The following MS4A7 variants were observed in gnomAD, a reference collection of about 807,000 sequenced individuals.
The protein encoded by MS4A7 is membrane spanning 4-domains A7.
Under a neutral mutation model 23.5 loss-of-function variants are expected in MS4A7, and 21 were observed. The observed-to-expected ratio is 0.89, with a 90% confidence interval of 0.63 to 1.29. MS4A7 has a LOEUF of 1.29. MS4A7 is among the 50% of genes most tolerant of loss of function. The probability of loss-of-function intolerance (pLI) is 0.00; values close to 1 mark genes in which losing one functional copy is unlikely to be tolerated. For missense variants in MS4A7, 263 were observed against 274.2 expected (o/e 0.96, Z 0.29); for synonymous variants, 111 against 107.4 (o/e 1.03, Z -0.21).
chr11:60,392,789 G>T lies in MS4A7; in HGVS notation c.648+3G>T, dbSNP rs200794871. On this transcript the variant is annotated splice_donor_region_variant and intron_variant, in intron 6 of 6. Coordinates refer to ENST00000300184, the MANE Select transcript of MS4A7 (RefSeq NM_021201.5). ...AGCTCTACTCCAACAACCCTGGGGT[G>T]AGTATGCTGACATGTCGCCTGATAC... 6.2e-7 allele frequency: 1 copy of T among 1,603,540 alleles called. No individual in the cohort carries two copies.
In MS4A7 at chr11:60,385,090, T is replaced by A. The variant is rs950803; in HGVS notation, c.150T>A (p.Thr50=). 0.63 allele frequency: 1,015,931 copies of A among 1,612,352 alleles called. 322,293 individuals are homozygous for A. Among genetic ancestry groups the A allele is most frequent in the Middle Eastern group, 0.74 (4,503 of 6,058 alleles). ...GLPTETTVLG[T]VQILCCLLIS... ...ATTTCCTGTCTTCTCTCTTGTAGAC[T>A]GTCCAGATCCTGTGTTGCCTGTTGA... The change falls in exon 3 of 7, where the codon ACT becomes ACA. Residue 50 remains threonine (T), a splice_region_variant and synonymous_variant. Coordinates refer to ENST00000300184, the MANE Select transcript of MS4A7 (RefSeq NM_021201.5).
intron 3 of MS4A7, 48 bp downstream of exon 3, chr11:60,385,270 A>G (rs1432759485): frequency 1.9e-6 from 3 of 1,610,070 alleles, no homozygotes; most frequent in Non-Finnish European, 2.5e-6. Context: ...ATAAATGCTA[A>G]CCAGGTGCAT....
In MS4A7 at chr11:60,385,182, C is replaced by A. The variant is rs2085472286; in HGVS notation, c.242C>A (p.Thr81Asn). The A allele has an allele frequency of 6.8e-6, 11 of 1,614,122 alleles. No individual in the cohort carries two copies. The highest frequency in any genetic ancestry group is 9.3e-6 in the Non-Finnish European group (11 of 1,179,996). ...TCCCACTTCAATCCAGCAATTTCCA[C>A]CACTTTGATGTCTGGGTACCCATTT... ...YPSHFNPAIS[T>N]TLMSGYPFLG... The change falls in exon 3 of 7, where the codon ACC (threonine) becomes AAC (asparagine). Residue 81 changes from threonine (T) to asparagine (N), a missense_variant. Coordinates refer to ENST00000300184, the MANE Select transcript of MS4A7 (RefSeq NM_021201.5).
chr11:60,384,868 C>T (rs1193796279), intron 2 of MS4A7, among the ~76,000 whole-genome samples: 1 of 152,176 alleles, frequency 6.6e-6, no homozygotes, highest in African/African-American at 2.4e-5. Flanking sequence ...TGTATGATCA[C>T]TTTCCGATTT....
rs573308958 is a variant in MS4A7, at chr11:60,379,533, T to C, written c.-14+869T>C. Among the ~76,000 whole-genome samples the C allele has an allele frequency of 5.7e-4, 78 of 136,526 alleles. 1 individual carries two copies. The Middle Eastern group carries it at 0.032, about 55-fold the overall frequency. 89.6% of individuals were successfully genotyped at this position (136,526 alleles called of 152,430 possible). On this transcript the variant is annotated intron_variant, in intron 1 of 6. Transcript: ENST00000300184. ...ATGTGTTTTTTTGTTGTTTTTTGTT[T>C]GTTTGTTTGTTTGTTTTTTAATTGA... is the stretch of plus-strand genomic sequence containing the variant.
intron 1 of MS4A7, among the ~76,000 whole-genome samples, chr11:60,379,095 C>T (rs1479666100): frequency 1.3e-5 from 2 of 152,338 alleles, no homozygotes; most frequent in African/African-American, 2.4e-5. Context: ...TGGGTCCCTC[C>T]AGTCTATCTC....
chr11:60,386,535 A>G, intron 3 of MS4A7, 182 bp from the exon 4 acceptor site: 1 of 519,840 alleles, frequency 1.9e-6, no homozygotes, highest in Non-Finnish European at 3.4e-6. Flanking sequence ...CAAAGTCAAT[A>G]TAGACATTCT....
At chr11:60,391,069 A>T (rs777939246) in intron 5 of MS4A7, among the ~76,000 whole-genome samples, 3 of 152,216 alleles carry the variant, frequency 2.0e-5, no homozygotes, top group Admixed American at 6.5e-5. Context: ...TTTAACATCC[A>T]TGACAAGATT....
At position 60,394,839 on chromosome 11, in the gene MS4A7, C is replaced by T. The variant is rs2085596347; in HGVS notation, c.*978C>T. The T allele has an allele frequency of 2.3e-6, 1 of 431,674 alleles. No homozygotes were observed. The highest frequency in any genetic ancestry group is 4.1e-6 in the Non-Finnish European group (1 of 246,830). The allele number at this position is 431,674 out of a possible 1,614,324, so 26.7% of individuals were successfully genotyped here. A position where few individuals can be genotyped will look rare whatever the true frequency, so the allele number is the denominator to read the frequency against. ...AAAAATAAATAAAAATAAAAATAGA[C>T]TATATATAGTCTTTGAATTCATTTA... On this transcript the variant is annotated 3_prime_UTR_variant, in exon 7 of 7. Coordinates refer to ENST00000300184, the MANE Select transcript of MS4A7 (RefSeq NM_021201.5).
chr11:60,387,923 G>T (rs977059913), intron 4 of MS4A7, among the ~76,000 whole-genome samples: 10 of 152,190 alleles, frequency 6.6e-5, no homozygotes, highest in Non-Finnish European at 1.0e-4. Context: ...TAGGAGACAG[G>T]ATTCTCCCAT....
rs2085606483 is a variant in MS4A7, at chr11:60,395,464, A to G, written c.*1603A>G. 2 of 152,248 alleles carry G rather than the reference A, an allele frequency of 1.3e-5. No homozygotes were observed. The highest frequency in any genetic ancestry group is 2.1e-4 in the South Asian group (1 of 4,832). The allele number at this position is 152,248 out of a possible 1,614,324, so 9.4% of individuals were successfully genotyped here. A position where few individuals can be genotyped will look rare whatever the true frequency, so the allele number is the denominator to read the frequency against. On this transcript the variant is annotated 3_prime_UTR_variant, in exon 7 of 7. Coordinates refer to ENST00000300184, the MANE Select transcript of MS4A7 (RefSeq NM_021201.5). The stretch of plus-strand genomic sequence containing the variant: ...AGGAAATACTCAAGTTATTATGTGT[A>G]TACATTGGTTTTAGTTTTATGAAAC...
intron 3 of MS4A7, 146 bp from the exon 4 acceptor site, chr11:60,386,571 C>T (rs889922895): frequency 2.4e-5 from 15 of 629,122 alleles, no homozygotes; most frequent in Non-Finnish European, 4.3e-5. Context: ...TTAGGCCTAT[C>T]TAGCAATATA....
chr11:60,390,782 G>C (rs981729791), intron 5 of MS4A7, among the ~76,000 whole-genome samples: 5 of 152,096 alleles, frequency 3.3e-5, no homozygotes, highest in African/African-American at 9.7e-5. Context: ...TTGCAACATA[G>C]CAGACTAAGC....
At chr11:60,389,154 C>T (rs1245969210) in intron 4 of MS4A7, 1 of 505,664 alleles carries the variant, frequency 2.0e-6, no homozygotes. Context: ...ACCCCTCTCC[C>T]TAAGGAGGAA....
intron 4 of MS4A7, among the ~76,000 whole-genome samples, chr11:60,387,306 C>G (rs182797909): frequency 6.6e-6 from 1 of 152,136 alleles, no homozygotes; most frequent in Non-Finnish European, 1.5e-5. Context: ...CTGGGAAACC[C>G]CTTACTCCCC....
At chr11:60,384,515 T>C (rs1228274866) in intron 2 of MS4A7, among the ~76,000 whole-genome samples, 5 of 152,238 alleles carry the variant, frequency 3.3e-5, no homozygotes, top group African/African-American at 7.2e-5. Context: ...ATGTGAATGG[T>C]TGACTTCTTT....
intron 3 of MS4A7, among the ~76,000 whole-genome samples, chr11:60,386,281 A>G (rs903933227): frequency 6.6e-6 from 1 of 152,146 alleles, no homozygotes; most frequent in Non-Finnish European, 1.5e-5. Flanking sequence ...ACATACACCA[A>G]TAACTTCCAG....
chr11:60,384,923 T>C (rs1374731062), intron 2 of MS4A7, among the ~76,000 whole-genome samples, 165 bp from the exon 3 acceptor site: 1 of 152,278 alleles, frequency 6.6e-6, no homozygotes, highest in Non-Finnish European at 1.5e-5. Flanking sequence ...TAGCTATACA[T>C]GACTTTCTCT....
chr11:60,383,374 C>T, intron 2 of MS4A7, 86 bp downstream of exon 2: 7 of 1,466,280 alleles, frequency 4.8e-6, no homozygotes, highest in South Asian at 2.7e-5. Flanking sequence ...GTCTGGGAAA[C>T]TCTTTCACTC....
Sources: allele counts gnomAD v4.1 joint callset (sites outside exome capture counted in the v4.1 genomes callset), GRCh38; gene constraint gnomAD v4.1.1; transcripts MANE v1.5; gene names NCBI Gene and HGNC (gene_info 2026-07-23, HGNC 2026-07-21).